Variants in REEP5 observed in about 807,000 individuals in gnomAD.
REEP5 encodes the protein receptor accessory protein 5.
A neutral mutation model predicts 22.4 loss-of-function variants in REEP5; 24 were observed. The observed-to-expected ratio is 1.07, with a 90% CI of 0.78 to 1.51. The LOEUF is 1.51. Among genes scored for constraint, REEP5 ranks in the 40% most tolerant of loss-of-function variants. REEP5 has a pLI of 0.00. For synonymous variants in REEP5, 103 were observed against 88.6 expected, an observed-to-expected ratio of 1.16 and a Z score of -0.92; for missense variants, 252 against 233.0, an observed-to-expected ratio of 1.08 and a Z score of -0.53.
At chr5:112,889,584 T>G (rs1389801819) in intron 3 of REEP5, among the ~76,000 whole-genome samples, 1 of 150,672 alleles carries the variant, frequency 6.6e-6, no homozygotes, top group African/African-American at 2.5e-5. Context: ...TATATTTATA[T>G]ATAGCTATAG....
chr5:112,902,529 G>T lies in REEP5; in HGVS notation c.213-11C>A. On this transcript the variant is annotated splice_polypyrimidine_tract_variant and intron_variant, in intron 2 of 4. Coordinates refer to ENST00000379638, the MANE Select transcript of REEP5 (RefSeq NM_005669.5). Reference sequence around the variant, plus strand: ...TCTATAGCTTTAATTCTGAAAGGCAGTACAAAAGAAAGTATATCATTTGGT... The same window carrying T: ...TCTATAGCTTTAATTCTGAAAGGCATTACAAAAGAAAGTATATCATTTGGT... 1 of 1,564,812 alleles carries T rather than the reference G, an allele frequency of 6.4e-7. No homozygotes were observed. Among genetic ancestry groups the T allele is most frequent in the African/African-American group, 1.4e-5 (1 of 72,654 alleles).
At chr5:112,900,675 G>T (rs1333102214) in intron 3 of REEP5, among the ~76,000 whole-genome samples, 1 of 152,026 alleles carries the variant, frequency 6.6e-6, no homozygotes, top group Non-Finnish European at 1.5e-5. Context: ...GTTCCTGTGT[G>T]CCTGGGGCCC....
intron 4 of REEP5, chr5:112,885,649 C>T: frequency 3.4e-6 from 1 of 297,436 alleles, no homozygotes; most frequent in South Asian, 4.4e-5. Context: ...CCTGGAGCAG[C>T]TCCCAGAGGT....
At chr5:112,883,572 C>T (rs992012207) in intron 4 of REEP5, among the ~76,000 whole-genome samples, 8 of 152,192 alleles carry the variant, frequency 5.3e-5, no homozygotes, top group African/African-American at 1.9e-4. Context: ...TTTGGACCTC[C>T]TGTTTCCTAA....
At position 112,878,459 on chromosome 5, in the gene REEP5, C is replaced by G; in HGVS notation, c.*327G>C. ...ACAGAGAAAATGCGTGCAGGGAGAG[C>G]CCAGTAAAGTACACAGCCTGTGGGG... On this transcript the variant is annotated 3_prime_UTR_variant, in exon 5 of 5. Transcript: ENST00000379638. 3.6e-6 allele frequency: 1 copy of G among 276,982 alleles called. No individual in the cohort carries two copies. The highest frequency in any genetic ancestry group is 6.7e-6 in the Non-Finnish European group (1 of 148,480). 17.2% of individuals were successfully genotyped at this position (276,982 alleles called of 1,614,324 possible).
At chr5:112,920,727 CAATT>C (rs905425114) in intron 2 of REEP5, among the ~76,000 whole-genome samples, 3 of 152,122 alleles carry the variant, frequency 2.0e-5, no homozygotes, top group Non-Finnish European at 4.4e-5. Flanking sequence ...CCTACTGTCT[CAATT>C]AACGTAATTA....
At chr5:112,883,932 G>T (rs145768923) in intron 4 of REEP5, among the ~76,000 whole-genome samples, 109 of 151,966 alleles carry the variant, frequency 7.2e-4, no homozygotes, top group Admixed American at 3.6e-3. Flanking sequence ...CAATCCATAA[G>T]CAAATCCCAT....
intron 2 of REEP5, among the ~76,000 whole-genome samples, chr5:112,905,550 AC>A (rs1768935954): frequency 2.0e-5 from 3 of 148,716 alleles, no homozygotes; most frequent in South Asian, 4.2e-4. Flanking sequence ...CAAAAAAAAA[AC>A]AAAACAAAAA....
chr5:112,896,061 C>T (rs1246611582), intron 3 of REEP5: 1 of 152,632 alleles, frequency 6.6e-6, no homozygotes, highest in Non-Finnish European at 1.5e-5. Flanking sequence ...TAGGGGTATG[C>T]TTAACATGCA....
chr5:112,905,186 G>A (rs371948998), intron 2 of REEP5, among the ~76,000 whole-genome samples: 5 of 152,126 alleles, frequency 3.3e-5, no homozygotes, highest in African/African-American at 7.2e-5. Flanking sequence ...ACTCAGGAAC[G>A]TGAGGTTCAA....
rs1469577151 is a variant in REEP5 at position 112,876,986 on chromosome 5, C to T, written c.*1800G>A. 6.6e-6 allele frequency: 1 copy of T among 151,820 alleles called. No individual in the cohort carries two copies. Among genetic ancestry groups the T allele is most frequent in the African/African-American group, 2.4e-5 (1 of 41,330 alleles). 9.4% of individuals were successfully genotyped at this position (151,820 alleles called of 1,614,324 possible). On this transcript the variant is annotated 3_prime_UTR_variant, in exon 5 of 5. Coordinates refer to ENST00000379638, the MANE Select transcript of REEP5 (RefSeq NM_005669.5). Reference sequence around the variant, plus strand: ...TATATAGTCTATATGCTAGAAGTTGCTGATTTTCATTCTGCCACCAAGAAA... The same window carrying T: ...TATATAGTCTATATGCTAGAAGTTGTTGATTTTCATTCTGCCACCAAGAAA...
intron 2 of REEP5, among the ~76,000 whole-genome samples, chr5:112,920,124 T>C (rs762316824): frequency 2.0e-5 from 3 of 152,152 alleles, no homozygotes; most frequent in Non-Finnish European, 4.4e-5. Context: ...CTTTCTGGAG[T>C]ATGACTAAGT....
At chr5:112,891,085 A>C (rs945225547) in intron 3 of REEP5, among the ~76,000 whole-genome samples, 6 of 150,058 alleles carry the variant, frequency 4.0e-5, no homozygotes, top group Non-Finnish European at 8.8e-5. Context: ...TTTATTTTTT[A>C]TTTTTGAGAC....
chr5:112,886,034 C>G (rs1768232931), intron 4 of REEP5, among the ~76,000 whole-genome samples: 1 of 152,220 alleles, frequency 6.6e-6, no homozygotes, highest in Non-Finnish European at 1.5e-5. Flanking sequence ...CATGGCCTCT[C>G]CACTTGGTGC....
At chr5:112,881,190 G>T (rs1768066593) in intron 4 of REEP5, among the ~76,000 whole-genome samples, 1 of 144,264 alleles carries the variant, frequency 6.9e-6, no homozygotes, top group South Asian at 2.2e-4. Flanking sequence ...AAGGCTACAA[G>T]TTAAAAAATA....
intron 3 of REEP5, among the ~76,000 whole-genome samples, chr5:112,891,363 G>A (rs1451462691): frequency 2.0e-5 from 3 of 152,012 alleles, no homozygotes; most frequent in African/African-American, 7.3e-5. Context: ...GTGAGCCACC[G>A]CACCTGGCCA....
chr5:112,889,444 TA>T (rs1223999812), intron 3 of REEP5, among the ~76,000 whole-genome samples: 1 of 150,706 alleles, frequency 6.6e-6, no homozygotes, highest in Non-Finnish European at 1.5e-5. Context: ...GCAAAATAAG[TA>T]AATAGGATGA....
At chr5:112,886,922 G>A (rs1003369318) in intron 4 of REEP5, 93 bp downstream of exon 4, 2 of 899,984 alleles carry the variant, frequency 2.2e-6, no homozygotes, top group South Asian at 2.0e-5. Context: ...CTGAGGGGTG[G>A]TGATAAGACA....
At chr5:112,906,961 G>A (rs929170680) in intron 2 of REEP5, among the ~76,000 whole-genome samples, 1 of 152,142 alleles carries the variant, frequency 6.6e-6, no homozygotes, top group East Asian at 1.9e-4. Flanking sequence ...GGACGTAGAA[G>A]TCAAACTGAA....
Sources: allele counts gnomAD v4.1 joint callset (sites outside exome capture counted in the v4.1 genomes callset), GRCh38; gene constraint gnomAD v4.1.1; transcripts MANE v1.5; gene names NCBI Gene and HGNC (gene_info 2026-07-23, HGNC 2026-07-21).